The following RPA1 variants were observed in gnomAD, a reference collection of about 807,000 sequenced individuals.
RPA1 encodes the protein replication protein A 70 kDa DNA-binding subunit.
In RPA1, 49 loss-of-function variants were observed where a neutral mutation model predicts 83.0. That is an observed-to-expected ratio of 0.59 (90% CI 0.47 to 0.75). The LOEUF is 0.75. Among genes scored for constraint, RPA1 ranks in the 30% least tolerant of loss-of-function variants. RPA1 has a pLI of 0.00. For synonymous variants in RPA1, 279 were observed against 281.8 expected, an observed-to-expected ratio of 0.99 and a Z score of 0.10; for missense variants, 693 against 776.1, an observed-to-expected ratio of 0.89 and a Z score of 1.27.
chr17:1,872,611 G>T, intron 6 of RPA1, 85 bp downstream of exon 6: 2 of 1,530,332 alleles, frequency 1.3e-6, no homozygotes, highest in Admixed American at 2.0e-5. Context: ...ACTAAAGGGA[G>T]TTTTCCAAAT....
chr17:1,832,913 A>T (rs1911676648), intron 1 of RPA1, among the ~76,000 whole-genome samples: 1 of 151,876 alleles, frequency 6.6e-6, no homozygotes, highest in Non-Finnish European at 1.5e-5. Context: ...TTAAAATTTT[A>T]AAATTATTGT....
intron 5 of RPA1, among the ~76,000 whole-genome samples, chr17:1,856,155 C>T (rs923962898): frequency 6.6e-6 from 1 of 152,086 alleles, no homozygotes; most frequent in African/African-American, 2.4e-5. Context: ...AAAACCCAGT[C>T]TCTACCAAAA....
At chr17:1,879,124 T>C (rs192703838) in intron 9 of RPA1, 63 bp downstream of exon 9, 5 of 1,611,398 alleles carry the variant, frequency 3.1e-6, no homozygotes, top group Non-Finnish European at 4.2e-6. Context: ...GAAAAGACGC[T>C]GGCCCAGGGG....
Position 1,880,550 on chromosome 17 carries a change from A to T in RPA1, c.1100A>T (p.Lys367Ile). The T allele has an allele frequency of 6.2e-7, 1 of 1,613,318 alleles. No individual in the cohort carries two copies. Among genetic ancestry groups the T allele is most frequent in the Non-Finnish European group, 8.5e-7 (1 of 1,179,484 alleles). ...CTGGTGTTTCTTTTACAGGCTGATA[A>T]ATTTGATGGTTCTAGACAGCCCGTG... ...TATLWGEDAD[K>I]FDGSRQPVLA... Residue 367 changes from lysine to isoleucine, a missense_variant, in exon 12 of 17, where the codon AAA becomes ATA. Lys to Ile is a moderately radical substitution (Grantham distance 102, BLOSUM62 -3). Coordinates refer to ENST00000254719, the MANE Select transcript of RPA1 (RefSeq NM_002945.5).
intron 5 of RPA1, among the ~76,000 whole-genome samples, chr17:1,862,661 C>T (rs889958837): frequency 3.5e-5 from 5 of 142,776 alleles, no homozygotes; most frequent in African/African-American, 5.3e-5. Context: ...TCAAGTGATC[C>T]GCCCACCTTG....
intron 5 of RPA1, chr17:1,854,191 A>G (rs762795221): frequency 1.3e-5 from 2 of 152,204 alleles, no homozygotes; most frequent in Admixed American, 6.5e-5. Flanking sequence ...GGCGAAAAGA[A>G]TCTTCAAATC....
chr17:1,897,147 T>A lies in RPA1; in HGVS notation c.1823T>A (p.Met608Lys). The A allele has an allele frequency of 6.4e-7, 1 of 1,561,436 alleles. No homozygotes were observed. Among genetic ancestry groups the A allele is most frequent in the Non-Finnish European group, 8.7e-7 (1 of 1,152,574 alleles). Residue 608 changes from methionine (M) to lysine (K), a missense_variant, in exon 17 of 17, where the codon ATG becomes AAG. Physicochemically the swap from Met to Lys is moderately conservative, Grantham distance 95. Coordinates refer to ENST00000254719, the MANE Select transcript of RPA1 (RefSeq NM_002945.5). ...AGAGAGTATGGCCGAAGGCTGGTCA[T>A]GAGCATCAGGAGAAGTGCATTGATG... ...DYREYGRRLV[M>K]SIRRSALM is the part of the protein sequence containing the mutation.
At chr17:1,894,327 C>T (rs549283466) in intron 15 of RPA1, among the ~76,000 whole-genome samples, 46 of 152,096 alleles carry the variant, frequency 3.0e-4, no homozygotes, top group East Asian at 1.5e-3. Flanking sequence ...CCACTATGCC[C>T]AGCTAATTTT....
intron 5 of RPA1, among the ~76,000 whole-genome samples, chr17:1,861,423 G>A (rs538805457): frequency 2.0e-5 from 3 of 152,224 alleles, no homozygotes; most frequent in African/African-American, 4.8e-5. Context: ...GGGGGGAGGG[G>A]GTTATGTTAG....
Position 1,883,878 on chromosome 17 carries a change from A to G in RPA1, c.1308A>G (p.Gly436=), listed in dbSNP as rs201568683. Residue 436 remains glycine, a synonymous_variant, in exon 13 of 17, where the codon GGA becomes GGG. Coordinates refer to ENST00000254719, the MANE Select transcript of RPA1 (RefSeq NM_002945.5). ...SISDLKSGGV[G]GSNTNWKTLY... ...CTGATCTAAAGAGCGGCGGAGTCGG[A>G]GGGAGTAACACCAACTGGAAAACCT... 6 of 1,614,156 alleles carry G rather than the reference A, an allele frequency of 3.7e-6. No homozygotes were observed. The East Asian group carries it at 1.3e-4, about 36-fold the overall frequency.
intron 4 of RPA1, among the ~76,000 whole-genome samples, 195 bp downstream of exon 4, chr17:1,844,881 A>G (rs1912198697): frequency 6.6e-6 from 1 of 152,190 alleles, no homozygotes; most frequent in Non-Finnish European, 1.5e-5. Context: ...TTAAAGTAGA[A>G]TGCAGAAATC....
intron 14 of RPA1, among the ~76,000 whole-genome samples, chr17:1,889,335 ATTTTTT>A (rs11393139): frequency 1.4e-5 from 2 of 146,906 alleles, no homozygotes; most frequent in Admixed American, 6.8e-5. Context: ...GTTTAAAAAA[ATTTTTT>A]TTTTTTTTTA....
At chr17:1,889,637 G>C (rs552709911) in intron 14 of RPA1, among the ~76,000 whole-genome samples, 1 of 152,038 alleles carries the variant, frequency 6.6e-6, no homozygotes, top group African/African-American at 2.4e-5. Context: ...CACTGCACCC[G>C]GCCTTAAGAT....
chr17:1,841,703 A>G (rs1205303936), intron 1 of RPA1, among the ~76,000 whole-genome samples: 5 of 152,138 alleles, frequency 3.3e-5, no homozygotes, highest in Admixed American at 6.5e-5. Context: ...TCCTTGCCTT[A>G]TTCCCAATCT....
intron 4 of RPA1, among the ~76,000 whole-genome samples, chr17:1,852,600 G>A (rs1351887955): frequency 6.6e-6 from 1 of 152,224 alleles, no homozygotes; most frequent in Non-Finnish European, 1.5e-5. Flanking sequence ...GGCCAGGCAA[G>A]CCATGGCCCA....
At chr17:1,875,943 TGAG>T in intron 7 of RPA1, 150 bp downstream of exon 7, 2 of 737,888 alleles carry the variant, frequency 2.7e-6, no homozygotes, top group Non-Finnish European at 3.9e-6. Flanking sequence ...TTTTTTTTGC[TGAG>T]GAGGAAAGGG....
chr17:1,874,444 T>C (rs889020642), intron 6 of RPA1, among the ~76,000 whole-genome samples: 1 of 152,166 alleles, frequency 6.6e-6, no homozygotes. Flanking sequence ...AGTTTGAGGC[T>C]GCAGCGAGCT....
At chr17:1,872,708 CTTTTT>C (rs34892322) in intron 6 of RPA1, among the ~76,000 whole-genome samples, 182 bp downstream of exon 6, 37 of 113,028 alleles carry the variant, frequency 3.3e-4, no homozygotes, top group Middle Eastern at 5.2e-3. Flanking sequence ...TAAAGATTGT[CTTTTT>C]TTTTTTTTTT....
intron 1 of RPA1, among the ~76,000 whole-genome samples, chr17:1,833,435 A>C (rs1911695298): frequency 6.6e-6 from 1 of 152,240 alleles, no homozygotes; most frequent in South Asian, 2.1e-4. Context: ...AGGAAGAACT[A>C]TTGTTGGACT....
Sources: allele counts gnomAD v4.1 joint callset (sites outside exome capture counted in the v4.1 genomes callset), GRCh38; gene constraint gnomAD v4.1.1; transcripts MANE v1.5; gene names NCBI Gene and HGNC (gene_info 2026-07-23, HGNC 2026-07-21).